THUMPD1: variants seen among roughly 807,000 people sequenced by gnomAD.
The protein encoded by THUMPD1 is THUMP domain 1 NAT10 acetyltransferase adaptor.
A neutral mutation model predicts 31.6 loss-of-function variants in THUMPD1; 31 were observed. That is an observed-to-expected ratio of 0.98 (90% confidence interval 0.74 to 1.32). The LOEUF is 1.32. THUMPD1 is among the 40% of genes most tolerant of loss of function. The pLI is 0.00. For missense variants in THUMPD1, 446 were observed against 427.8 expected (o/e 1.04, Z -0.38); for synonymous variants, 166 against 158.2 (o/e 1.05, Z -0.37).
chr16:20,739,168 C>A, intron 1 of THUMPD1, 97 bp from the exon 2 acceptor site: 1 of 1,209,928 alleles, frequency 8.3e-7, no homozygotes, highest in Non-Finnish European at 1.1e-6. Flanking sequence ...GCAGGTGGCT[C>A]AGTATTGATT....
chr16:20,737,956 T>C lies in THUMPD1; in HGVS notation c.407A>G (p.Glu136Gly). ...AATATGATGCACCAATTTCTCAGGC[T>C]CTTAAGAAAAAAAAAAAGTTAAGAA... ...NVVFIRTLGI[E>G]PEKLVHHILQ... The change falls in exon 3 of 4, where the codon GAG becomes GGG. Residue 136 changes from glutamate to glycine, a missense_variant and splice_region_variant. Physicochemically the swap from Glu to Gly is moderately conservative, Grantham distance 98. Transcript: ENST00000396083. 1 of 1,570,782 alleles carries C rather than the reference T, an allele frequency of 6.4e-7. No homozygotes were observed. The highest frequency in any genetic ancestry group is 8.6e-7 in the Non-Finnish European group (1 of 1,164,034).
In THUMPD1 at chr16:20,736,269, C is replaced by T. The variant is rs2152415580; in HGVS notation, c.*611G>A. The T allele has an allele frequency of 6.6e-6, 1 of 152,198 alleles. No homozygotes were observed. The highest frequency in any genetic ancestry group is 1.9e-4 in the East Asian group (1 of 5,166). 9.4% of individuals were successfully genotyped at this position (152,198 alleles called of 1,614,324 possible). A position where few individuals can be genotyped will look rare whatever the true frequency, so the allele number is the denominator to read the frequency against. ...GAAGACTGAAGTTCTTCATCACCAA[C>T]CTTTTCAGAAATGTCTGTAGTTCTA... On this transcript the variant is annotated 3_prime_UTR_variant, in exon 4 of 4. Coordinates refer to ENST00000396083, the MANE Select transcript of THUMPD1 (RefSeq NM_017736.5).
chr16:20,737,085 T>C lies in THUMPD1; in HGVS notation c.857A>G (p.Glu286Gly), dbSNP rs749181272. 1.2e-6 allele frequency: 2 copies of C among 1,614,104 alleles called. No individual in the cohort carries two copies. The change falls in exon 4 of 4, where the codon GAA becomes GGA. Residue 286 changes from glutamate to glycine, a missense_variant. Transcript: ENST00000396083. Reference sequence around the variant, plus strand: ...TTTGTCCGCAGATTCCAGTTTAGCTTCTTTCCCATTTCCCTGCTTTGAGTT... The same window carrying C: ...TTTGTCCGCAGATTCCAGTTTAGCTCCTTTCCCATTTCCCTGCTTTGAGTT... ...QLNSKQGNGK[E>G]AKLESADKSD...
At position 20,736,634 on chromosome 16, in the gene THUMPD1, T is replaced by A. The variant is rs1028460778; in HGVS notation, c.*246A>T. On this transcript the variant is annotated 3_prime_UTR_variant, in exon 4 of 4. Transcript: ENST00000396083. Reference sequence around the variant, plus strand: ...AAGAGGAGCCTGGGAGAGGCCAACATCCCCCTCCTATCCTCCCCTCTTTGC... The same window carrying A: ...AAGAGGAGCCTGGGAGAGGCCAACAACCCCCTCCTATCCTCCCCTCTTTGC... 14 of 442,870 alleles carry A rather than the reference T, an allele frequency of 3.2e-5. No homozygotes were observed. Among genetic ancestry groups the A allele is most frequent in the African/African-American group, 1.8e-4 (9 of 51,120 alleles). 27.4% of individuals were successfully genotyped at this position (442,870 alleles called of 1,614,324 possible).
At position 20,736,635 on chromosome 16, in the gene THUMPD1, C is replaced by G; in HGVS notation, c.*245G>C. On this transcript the variant is annotated 3_prime_UTR_variant, in exon 4 of 4. Coordinates refer to ENST00000396083, the MANE Select transcript of THUMPD1 (RefSeq NM_017736.5). ...AGAGGAGCCTGGGAGAGGCCAACAT[C>G]CCCCTCCTATCCTCCCCTCTTTGCA... The G allele has an allele frequency of 2.3e-6, 1 of 440,938 alleles. No homozygotes were observed. Among genetic ancestry groups the G allele is most frequent in the Non-Finnish European group, 4.0e-6 (1 of 247,498 alleles). The allele number at this position is 440,938 out of a possible 1,614,324, so 27.3% of individuals were successfully genotyped here.
At chr16:20,737,666 T>C in intron 3 of THUMPD1, 42 bp downstream of exon 3, 1 of 1,560,586 alleles carries the variant, frequency 6.4e-7, no homozygotes, top group Non-Finnish European at 8.6e-7. Context: ...AAACAAGTAT[T>C]TACCATTGAA....
chr16:20,741,500 GA>G lies in THUMPD1; in HGVS notation c.231+8del. The G allele has an allele frequency of 9.3e-6, 2 of 214,554 alleles. No individual in the cohort carries two copies. Among genetic ancestry groups the G allele is most frequent in the Non-Finnish European group, 1.9e-5 (2 of 106,232 alleles). The allele number at this position is 214,554 out of a possible 1,614,324, so 13.3% of individuals were successfully genotyped here. On this transcript the variant is annotated splice_region_variant and intron_variant, in intron 1 of 3. Coordinates refer to ENST00000396083, the MANE Select transcript of THUMPD1 (RefSeq NM_017736.5). ...CAGCCGGCCCGCCCGCCCACCCCGG[GA>G]CCGGTACCTTTTCTGGCCCATACAT...
At chr16:20,738,003 A>C in intron 2 of THUMPD1, 47 bp from the exon 3 acceptor site, 3 of 1,530,610 alleles carry the variant, frequency 2.0e-6, no homozygotes, top group Non-Finnish European at 1.8e-6. Flanking sequence ...AGACATCTTA[A>C]AGATCGAACT....
rs1188894778 is a variant in THUMPD1 at position 20,734,779 on chromosome 16, ATG to A, written c.*2099_*2100del. ...AACCCCTGCAGAGAACCCTCATGGT[ATG>A]TGAGTGTGAGCACTAAGTTGAAGAA... On this transcript the variant is annotated 3_prime_UTR_variant, in exon 4 of 4. Coordinates refer to ENST00000396083, the MANE Select transcript of THUMPD1 (RefSeq NM_017736.5). 6.6e-6 allele frequency: 1 copy of A among 152,202 alleles called. No individual in the cohort carries two copies. The highest frequency in any genetic ancestry group is 1.5e-5 in the Non-Finnish European group (1 of 68,036). 9.4% of individuals were successfully genotyped at this position (152,202 alleles called of 1,614,324 possible).
intron 2 of THUMPD1, chr16:20,738,218 C>A (rs1363780627): frequency 2.0e-6 from 1 of 505,122 alleles, no homozygotes; most frequent in African/African-American, 1.9e-5. Context: ...CCGTTGTTAA[C>A]ATTTTTGTGA....
intron 1 of THUMPD1, 28 bp downstream of exon 1, chr16:20,741,481 G>GGGGGGGGGGGGCGCCCCCC: frequency 7.6e-7 from 1 of 1,308,412 alleles, no homozygotes; most frequent in Non-Finnish European, 9.9e-7. Flanking sequence ...CTGGCAGCCG[G>GGGGGGGGGGGGCGCCCCCC]CCCGCCCGCC....
chr16:20,738,995 ACTT>A lies in THUMPD1; in HGVS notation c.305_307del (p.Glu102del). 6.2e-7 allele frequency: 1 copy of A among 1,614,112 alleles called. No individual in the cohort carries two copies. The highest frequency in any genetic ancestry group is 8.5e-7 in the Non-Finnish European group (1 of 1,180,018). On this transcript the variant is annotated inframe_deletion, in exon 2 of 4. Transcript: ENST00000396083. Reference sequence around the variant, plus strand: ...CTCTGTAGATGCCTTAATGTCACCAACTTCTTTCTTCAAGGCAGCCTCCGCATC... The same window carrying A: ...CTCTGTAGATGCCTTAATGTCACCAACTTTCTTCAAGGCAGCCTCCGCATC...
intron 1 of THUMPD1, among the ~76,000 whole-genome samples, chr16:20,740,303 G>A (rs1395900079): frequency 2.6e-5 from 4 of 152,206 alleles, no homozygotes; most frequent in African/African-American, 7.2e-5. Context: ...ACTGAGGCAG[G>A]AGGACTGCTT....
In THUMPD1 at chr16:20,739,323, A is replaced by C. The variant is rs984259397; in HGVS notation, c.232-252T>G. ...CCCAAGTAGCTGTGATTACAGGCGC[A>C]TGCCACTACACACAGCTAATTTTTG... is the stretch of plus-strand genomic sequence containing the variant. On this transcript the variant is annotated intron_variant, in intron 1 of 3. Coordinates refer to ENST00000396083, the MANE Select transcript of THUMPD1 (RefSeq NM_017736.5). Among the ~76,000 whole-genome samples, 7 of 151,728 alleles carry C rather than the reference A, an allele frequency of 4.6e-5. No homozygotes were observed. The South Asian group carries it at 1.5e-3, about 32-fold the overall frequency.
At chr16:20,737,543 A>G (rs1165011415) in intron 3 of THUMPD1, among the ~76,000 whole-genome samples, 165 bp downstream of exon 3, 1 of 152,234 alleles carries the variant, frequency 6.6e-6, no homozygotes, top group Non-Finnish European at 1.5e-5. Flanking sequence ...AAAATCTCAT[A>G]TCCGACATAT....
chr16:20,735,183 A>C lies in THUMPD1; in HGVS notation c.*1697T>G, dbSNP rs1316484330. ...GTTCATGTGATGAAAAACGTCTGCA[A>C]AATAGGCTACTTTCTGTAGTCATTT... On this transcript the variant is annotated 3_prime_UTR_variant, in exon 4 of 4. Transcript: ENST00000396083. 1 of 152,234 alleles carries C rather than the reference A, an allele frequency of 6.6e-6. No homozygotes were observed. Among genetic ancestry groups the C allele is most frequent in the African/African-American group, 2.4e-5 (1 of 41,464 alleles). 9.4% of individuals were successfully genotyped at this position (152,234 alleles called of 1,614,324 possible). A position where few individuals can be genotyped will look rare whatever the true frequency, so the allele number is the denominator to read the frequency against.
chr16:20,738,857 A>G (rs1230528091), intron 2 of THUMPD1, 40 bp downstream of exon 2: 1 of 1,604,620 alleles, frequency 6.2e-7, no homozygotes, highest in Non-Finnish European at 8.5e-7. Context: ...AGATACCCAG[A>G]TGTTATGAGA....
chr16:20,739,763 G>C (rs2152420399), intron 1 of THUMPD1, among the ~76,000 whole-genome samples: 1 of 151,524 alleles, frequency 6.6e-6, no homozygotes, highest in South Asian at 2.1e-4. Context: ...AGATATTGCA[G>C]TGAGCTGAGA....
intron 1 of THUMPD1, 31 bp downstream of exon 1, chr16:20,741,478 C>CCGGGGGGG: frequency 7.5e-7 from 1 of 1,336,934 alleles, no homozygotes; most frequent in East Asian, 3.1e-5. Flanking sequence ...GGCCTGGCAG[C>CCGGGGGGG]CGGCCCGCCC....
Sources: allele counts gnomAD v4.1 joint callset (sites outside exome capture counted in the v4.1 genomes callset), GRCh38; gene constraint gnomAD v4.1.1; transcripts MANE v1.5; gene names NCBI Gene and HGNC (gene_info 2026-07-23, HGNC 2026-07-21).